LRRC4C: variants seen among roughly 807,000 people sequenced by gnomAD.
LRRC4C encodes leucine rich repeat containing 4C, also known as leucine-rich repeat-containing protein 4C.
A neutral mutation model predicts 33.6 loss-of-function variants in LRRC4C; 5 were observed. That is an observed-to-expected ratio of 0.15 (90% confidence interval 0.08 to 0.31). The LOEUF is 0.31. LRRC4C is among the 10% of genes least tolerant of loss of function. The pLI is 1.00. For synonymous variants in LRRC4C, 329 were observed against 302.0 expected, an observed-to-expected ratio of 1.09 and a Z score of -0.93; for missense variants, 560 against 796.7, an observed-to-expected ratio of 0.70 and a Z score of 3.58.
intron 1 of LRRC4C, among the ~76,000 whole-genome samples, chr11:41,279,832 C>G (rs1200395310): frequency 6.6e-6 from 1 of 151,962 alleles, no homozygotes; most frequent in Admixed American, 6.6e-5. Flanking sequence ...GGTCCTTGAT[C>G]TATAAAATGT....
At chr11:41,269,198 G>A (rs552811184) in intron 1 of LRRC4C, among the ~76,000 whole-genome samples, 2 of 152,074 alleles carry the variant, frequency 1.3e-5, no homozygotes, top group Middle Eastern at 3.2e-3. Flanking sequence ...TTTTTAATGG[G>A]CAAATTACAA....
At chr11:41,191,470 G>A (rs1321442783) in intron 1 of LRRC4C, among the ~76,000 whole-genome samples, 4 of 152,072 alleles carry the variant, frequency 2.6e-5, no homozygotes, top group African/African-American at 9.7e-5. Context: ...ATCTATGAAT[G>A]GTAGTGAAAA....
At chr11:40,176,197 G>T (rs1054231940) in intron 5 of LRRC4C, among the ~76,000 whole-genome samples, 1 of 152,152 alleles carries the variant, frequency 6.6e-6, no homozygotes, top group Admixed American at 6.6e-5. Flanking sequence ...TTTCAAAGAG[G>T]TTTGGCATGT....
intron 1 of LRRC4C, among the ~76,000 whole-genome samples, chr11:41,039,827 T>A (rs1012171215): frequency 6.6e-6 from 1 of 151,938 alleles, no homozygotes; most frequent in Non-Finnish European, 1.5e-5. Flanking sequence ...ATCTTTTGGT[T>A]TCAGTTTCTG....
chr11:40,472,596 G>T (rs1952998217), intron 3 of LRRC4C, among the ~76,000 whole-genome samples: 1 of 151,362 alleles, frequency 6.6e-6, no homozygotes, highest in South Asian at 2.1e-4. Flanking sequence ...CAGAAGACAA[G>T]AAATAACTAA....
chr11:40,931,935 A>T (rs1957646832), intron 2 of LRRC4C, among the ~76,000 whole-genome samples: 1 of 152,154 alleles, frequency 6.6e-6, no homozygotes, highest in African/African-American at 2.4e-5. Flanking sequence ...AAATCTATTA[A>T]TTGAAGTCAT....
At chr11:40,275,253 G>A (rs796113709) in intron 4 of LRRC4C, among the ~76,000 whole-genome samples, 10 of 151,976 alleles carry the variant, frequency 6.6e-5, no homozygotes, top group African/African-American at 2.4e-4. Flanking sequence ...CTGCCCATTT[G>A]GCAATCTAGC....
intron 1 of LRRC4C, among the ~76,000 whole-genome samples, chr11:41,006,286 AT>A (rs1463866902): frequency 6.6e-6 from 1 of 152,206 alleles, no homozygotes; most frequent in African/African-American, 2.4e-5. Context: ...TGTAACATTT[AT>A]TTTATAAGAA....
At chr11:41,306,546 C>T (rs1240799902) in intron 1 of LRRC4C, among the ~76,000 whole-genome samples, 1 of 152,192 alleles carries the variant, frequency 6.6e-6, no homozygotes, top group Non-Finnish European at 1.5e-5. Flanking sequence ...ATGTGCTATT[C>T]TAAGTGGAGA....
At chr11:40,251,957 G>A (rs1354225083) in intron 4 of LRRC4C, among the ~76,000 whole-genome samples, 1 of 152,144 alleles carries the variant, frequency 6.6e-6, no homozygotes, top group African/African-American at 2.4e-5. Context: ...CTAACCAGCT[G>A]CATGCATTTG....
intron 3 of LRRC4C, among the ~76,000 whole-genome samples, chr11:40,437,129 C>T (rs1164809390): frequency 6.6e-6 from 1 of 152,098 alleles, no homozygotes; most frequent in Non-Finnish European, 1.5e-5. Context: ...TCATGTTCTC[C>T]TAATTAATAA....
chr11:40,227,094 C>T (rs73461986), intron 5 of LRRC4C, among the ~76,000 whole-genome samples: 104 of 152,256 alleles, frequency 6.8e-4, no homozygotes, highest in African/African-American at 2.4e-3. Context: ...AATCTAGCCA[C>T]TCACACAAAG....
chr11:40,249,338 A>T (rs1565185287), intron 4 of LRRC4C, among the ~76,000 whole-genome samples: 1 of 152,006 alleles, frequency 6.6e-6, no homozygotes, highest in Non-Finnish European at 1.5e-5. Context: ...ACTCCATCTC[A>T]AAAAAATAAA....
intron 1 of LRRC4C, among the ~76,000 whole-genome samples, chr11:41,155,621 T>C (rs1194092305): frequency 3.3e-5 from 5 of 151,980 alleles, no homozygotes; most frequent in Admixed American, 1.3e-4. Context: ...AGTTCTTGTC[T>C]GGCTAAAGTA....
At chr11:40,342,060 G>A (rs1483374547) in intron 3 of LRRC4C, among the ~76,000 whole-genome samples, 2 of 151,496 alleles carry the variant, frequency 1.3e-5, no homozygotes, top group Non-Finnish European at 2.9e-5. Context: ...CTGTAGCCAA[G>A]TCATATGGTT....
chr11:40,424,158 A>T (rs1453615617), intron 3 of LRRC4C, among the ~76,000 whole-genome samples: 1 of 143,220 alleles, frequency 7.0e-6, no homozygotes. Flanking sequence ...CATAATACTT[A>T]AATGGCCTTC....
At chr11:40,243,687 C>CT (rs1274780074) in intron 4 of LRRC4C, among the ~76,000 whole-genome samples, 3,139 of 117,168 alleles carry the variant, frequency 0.027, 117 homozygotes, top group African/African-American at 0.036. Context: ...AAACTTATAT[C>CT]TTTTTTTTTT....
intron 3 of LRRC4C, among the ~76,000 whole-genome samples, chr11:40,639,999 T>C (rs1942010867): frequency 6.6e-6 from 1 of 152,054 alleles, no homozygotes; most frequent in Non-Finnish European, 1.5e-5. Context: ...TAAGTTGGAA[T>C]ATATCAAGGA....
chr11:40,319,411 T>C (rs1483067380), intron 4 of LRRC4C, among the ~76,000 whole-genome samples: 1 of 152,180 alleles, frequency 6.6e-6, no homozygotes, highest in Non-Finnish European at 1.5e-5. Flanking sequence ...CCTGGATGGG[T>C]AAATCTATTT....
Sources: allele counts gnomAD v4.1 joint callset (sites outside exome capture counted in the v4.1 genomes callset), GRCh38; gene constraint gnomAD v4.1.1; transcripts MANE v1.5; gene names NCBI Gene and HGNC (gene_info 2026-07-23, HGNC 2026-07-21).